The following SLC19A1 variants were observed in gnomAD, a reference collection of about 807,000 sequenced individuals.
The protein encoded by SLC19A1 is solute carrier family 19 member 1, also known as reduced folate transporter.
Under a neutral mutation model 35.3 loss-of-function variants are expected in SLC19A1, and 37 were observed. The ratio of observed to expected loss-of-function variants is 1.05; its 90% CI spans 0.81 to 1.38. The LOEUF (loss-of-function observed/expected upper bound fraction) is 1.38. SLC19A1 is among the 40% of genes most tolerant of loss of function. The probability of loss-of-function intolerance (pLI) is 0.00; values close to 1 mark genes in which losing one functional copy is unlikely to be tolerated. For missense variants in SLC19A1, 831 were observed against 826.9 expected (o/e 1.00, Z -0.06); for synonymous variants, 460 against 398.5 (o/e 1.15, Z -1.84).
At chr21:45,507,406 A>G in intron 3 of SLC19A1, 2 of 532,852 alleles carry the variant, frequency 3.8e-6, no homozygotes, top group Non-Finnish European at 6.0e-6. Context: ...GTACCCTGGC[A>G]CAGGCTTGGA....
downstream of SLC19A1, chr21:45,510,367 G>A (rs962827285): frequency 7.8e-7 from 1 of 1,283,434 alleles, no homozygotes; most frequent in Non-Finnish European, 1.1e-6. Flanking sequence ...AGGCCACCAT[G>A]TTACAGACAC....
intron 3 of SLC19A1, chr21:45,504,216 C>A (rs2037043488): frequency 2.1e-6 from 2 of 945,630 alleles, no homozygotes; most frequent in Non-Finnish European, 3.3e-6. Flanking sequence ...TCAGGATGTT[C>A]CTGTCCCCGG....
chr21:45,503,457 TA>T (rs1308734757), intron 3 of SLC19A1, among the ~76,000 whole-genome samples: 1 of 152,048 alleles, frequency 6.6e-6, no homozygotes, highest in Non-Finnish European at 1.5e-5. Context: ...TACGCAGCCA[TA>T]AAAAATGATG....
intron 1 of SLC19A1, among the ~76,000 whole-genome samples, chr21:45,553,222 G>T (rs2078484868): frequency 6.6e-6 from 1 of 152,020 alleles, no homozygotes; most frequent in Non-Finnish European, 1.5e-5. Flanking sequence ...GGTCCTTCCA[G>T]GCACCGCGCA....
Position 45,515,502 on chromosome 21 carries a change from C to G in SLC19A1, c.*156G>C, listed in dbSNP as rs2037862405. ...CTGAGTGTCGCCAGCACGCTGTGGC[C>G]ACCGCCAGAGTGCGGCACAGGGCAG... On this transcript the variant is annotated 3_prime_UTR_variant, in exon 6 of 6. Transcript: ENST00000311124. 6.6e-7 allele frequency: 1 copy of G among 1,508,314 alleles called. No individual in the cohort carries two copies. The highest frequency in any genetic ancestry group is 8.8e-7 in the Non-Finnish European group (1 of 1,141,874). 93.4% of individuals were successfully genotyped at this position (1,508,314 alleles called of 1,614,324 possible).
chr21:45,509,510 C>A (rs757216963), downstream of SLC19A1: 1 of 1,533,342 alleles, frequency 6.5e-7, no homozygotes, highest in East Asian at 2.4e-5. Context: ...CAGCCCTACC[C>A]CGGAGCCCCG....
chr21:45,505,317 T>C, intron 3 of SLC19A1: 2 of 1,591,328 alleles, frequency 1.3e-6, no homozygotes, highest in African/African-American at 1.3e-5. Context: ...AGAGGCCGCC[T>C]CGTGTGGCTT....
intron 3 of SLC19A1, chr21:45,505,182 C>G (rs2037117656): frequency 6.2e-7 from 1 of 1,606,258 alleles, no homozygotes; most frequent in Non-Finnish European, 8.5e-7. Flanking sequence ...ACCTGGACCT[C>G]AGGGACCCCC....
intron 1 of SLC19A1, among the ~76,000 whole-genome samples, chr21:45,555,223 CCGGGGGGCGG>C (rs2078538754): frequency 1.1e-4 from 1 of 8,940 alleles, no homozygotes; most frequent in Middle Eastern, 0.042. Flanking sequence ...GTGGGGGGCG[CCGGGGGGCGG>C]CGCAGGGGGC....
At position 45,530,359 on chromosome 21, in the gene SLC19A1, TGA is replaced by T. The variant is rs550460270; in HGVS notation, c.1151+409_1151+410del. Among the ~76,000 whole-genome samples, 33 of 144,170 alleles carry T rather than the reference TGA, an allele frequency of 2.3e-4. No homozygotes were observed. The South Asian group carries it at 5.6e-3, about 25-fold the overall frequency. The allele number at this position is 144,170 out of a possible 152,430, so 94.6% of individuals were successfully genotyped here. A position where few individuals can be genotyped will look rare whatever the true frequency, so the allele number is the denominator to read the frequency against. On this transcript the variant is annotated intron_variant, in intron 4 of 5. Coordinates refer to ENST00000311124, the MANE Select transcript of SLC19A1 (RefSeq NM_194255.4). This position sits in a 1 kb window ranked among gnomAD's most constrained non-coding sequence, Gnocchi z 5.3. ...CATCTGTGCGCATGTGGTGTGTTCA[TGA>T]GTGTGTGTGTGTCCATGTGTGAGCG...
intron 4 of SLC19A1, among the ~76,000 whole-genome samples, chr21:45,528,436 C>T (rs1376983882): frequency 6.6e-6 from 1 of 152,054 alleles, no homozygotes; most frequent in African/African-American, 2.4e-5. Context: ...GCCACTCAGT[C>T]CACAGCAGGC....
chr21:45,551,263 A>G (rs1378481034), intron 1 of SLC19A1, among the ~76,000 whole-genome samples: 4 of 152,010 alleles, frequency 2.6e-5, no homozygotes. Context: ...GAAAAAAACA[A>G]AAAAAATCAA....
At chr21:45,541,548 G>C (rs370169649) in intron 1 of SLC19A1, among the ~76,000 whole-genome samples, 1 of 152,366 alleles carries the variant, frequency 6.6e-6, no homozygotes, top group East Asian at 1.9e-4. Flanking sequence ...AGGAGTTTCC[G>C]ATGGACAGGA....
downstream of SLC19A1, chr21:45,511,320 G>A (rs990096641): frequency 1.2e-5 from 9 of 725,868 alleles, no homozygotes; most frequent in Non-Finnish European, 2.3e-5. Flanking sequence ...CCGAGTTTTT[G>A]GACAAATCTT....
chr21:45,542,931 C>T (rs1365707824), upstream of SLC19A1, among the ~76,000 whole-genome samples: 2 of 152,146 alleles, frequency 1.3e-5, no homozygotes, highest in African/African-American at 4.8e-5. Flanking sequence ...AGGGGTGGCC[C>T]TGGGCCGCCT....
rs1242746244 is a variant in SLC19A1, at chr21:45,540,806, CAGG to C, written c.-50+1559_-50+1561del. On this transcript the variant is annotated intron_variant, in intron 1 of 5. Transcript: ENST00000311124. This position sits in a 1 kb window ranked among gnomAD's most constrained non-coding sequence, Gnocchi z 5.5. Reference sequence around the variant, plus strand: ...GGGAAGCAGAGAGAATCCCTGCCTTCAGGAGAAGGTTGTAACAGCCCCTGCAAA... The same window carrying C: ...GGGAAGCAGAGAGAATCCCTGCCTTCAGAAGGTTGTAACAGCCCCTGCAAA... Among the ~76,000 whole-genome samples, 1 of 152,188 alleles carries C rather than the reference CAGG, an allele frequency of 6.6e-6. No homozygotes were observed. The highest frequency in any genetic ancestry group is 1.5e-5 in the Non-Finnish European group (1 of 68,042).
chr21:45,507,779 C>T (rs1374747650), downstream of SLC19A1, among the ~76,000 whole-genome samples: 1 of 152,174 alleles, frequency 6.6e-6, no homozygotes, highest in Non-Finnish European at 1.5e-5. Context: ...GCGCTGGCCC[C>T]CCAGTACCTC....
chr21:45,510,404 C>A (rs1237321304), downstream of SLC19A1: 2 of 969,522 alleles, frequency 2.1e-6, no homozygotes, highest in Non-Finnish European at 3.2e-6. Flanking sequence ...GACTTCAGGG[C>A]AGGCTCCGGG....
In SLC19A1 at chr21:45,540,189, C is replaced by T. The variant is rs543196616; in HGVS notation, c.-50+2179G>A. 6.6e-6 allele frequency among the ~76,000 whole-genome samples: 1 copy of T among 152,304 alleles called. No individual in the cohort carries two copies. Among genetic ancestry groups the T allele is most frequent in the South Asian group, 2.1e-4 (1 of 4,818 alleles). Reference sequence around the variant, plus strand: ...GGACATACCTCAGACCGCACCCACTCCTCCCCACTGGGAGACCCATTTGGC... The same window carrying T: ...GGACATACCTCAGACCGCACCCACTTCTCCCCACTGGGAGACCCATTTGGC... On this transcript the variant is annotated intron_variant, in intron 1 of 5. Coordinates refer to ENST00000311124, the MANE Select transcript of SLC19A1 (RefSeq NM_194255.4). This position sits in a 1 kb window ranked among gnomAD's most constrained non-coding sequence, Gnocchi z 5.5.
Sources: allele counts gnomAD v4.1 joint callset (sites outside exome capture counted in the v4.1 genomes callset), GRCh38; gene constraint gnomAD v4.1.1; non-coding constraint Gnocchi (gnomAD v3.1); transcripts MANE v1.5; gene names NCBI Gene and HGNC (gene_info 2026-07-23, HGNC 2026-07-21).